COL23A1: variants seen among roughly 807,000 people sequenced by gnomAD.
The protein encoded by COL23A1 is collagen alpha-1(XXIII) chain.
Under a neutral mutation model 99.3 loss-of-function variants are expected in COL23A1, and 97 were observed. That is an observed-to-expected ratio of 0.98 (90% CI 0.83 to 1.16). The LOEUF (loss-of-function observed/expected upper bound fraction) is 1.16, where lower values mean the gene tolerates loss of function less well. Among genes scored for constraint, COL23A1 ranks in the 50% most tolerant of loss-of-function variants. The probability of loss-of-function intolerance (pLI) is 0.00; values close to 1 mark genes in which losing one functional copy is unlikely to be tolerated. For missense variants in COL23A1, 762 were observed against 757.4 expected, an observed-to-expected ratio of 1.01 and a Z score of -0.07; for synonymous variants, 320 against 308.2, an observed-to-expected ratio of 1.04 and a Z score of -0.40.
chr5:178,298,518 C>T (rs1339971046), intron 3 of COL23A1, among the ~76,000 whole-genome samples: 2 of 152,188 alleles, frequency 1.3e-5, no homozygotes, highest in East Asian at 3.9e-4. Flanking sequence ...GCTTCAGTGG[C>T]CTGAGGCTGC....
At chr5:178,257,058 T>C (rs1180680968) in intron 13 of COL23A1, 130 bp from the exon 14 acceptor site, 1 of 768,832 alleles carries the variant, frequency 1.3e-6, no homozygotes. Context: ...ACTGAGTCCA[T>C]GGGGGGTGTG....
intron 2 of COL23A1, among the ~76,000 whole-genome samples, chr5:178,421,294 G>C (rs1765622655): frequency 6.6e-6 from 1 of 152,138 alleles, no homozygotes; most frequent in African/African-American, 2.4e-5. Context: ...CACTGGACTT[G>C]GATCTGGAAG....
chr5:178,339,729 G>A (rs1453516466), intron 2 of COL23A1, among the ~76,000 whole-genome samples: 1 of 152,234 alleles, frequency 6.6e-6, no homozygotes, highest in Non-Finnish European at 1.5e-5. Flanking sequence ...CCTTGTATGG[G>A]GTGGGAGCCT....
rs1033815373 is a variant in COL23A1, at chr5:178,384,530, C to T, written c.362-77611G>A. Among the ~76,000 whole-genome samples the T allele has an allele frequency of 4.6e-5, 7 of 152,158 alleles. No homozygotes were observed. The highest frequency in any genetic ancestry group is 8.8e-5 in the Non-Finnish European group (6 of 68,038). On this transcript the variant is annotated intron_variant, in intron 2 of 28. Transcript: ENST00000390654. This position sits in a 1 kb window ranked among gnomAD's most constrained non-coding sequence, Gnocchi z 5.5. ...AGTGCATCCCTCTCCAGCGGCCCAC[C>T]GGGCACTGTGCAGGGGCCGGCGTGC...
chr5:178,251,092 G>A (rs865828872), intron 17 of COL23A1, among the ~76,000 whole-genome samples: 6 of 144,104 alleles, frequency 4.2e-5, no homozygotes, highest in Admixed American at 1.4e-4. Flanking sequence ...GCACAACCTC[G>A]ACTCACTACA....
At chr5:178,516,308 C>T (rs746687456) in intron 2 of COL23A1, among the ~76,000 whole-genome samples, 4 of 152,354 alleles carry the variant, frequency 2.6e-5, no homozygotes, top group East Asian at 3.9e-4. Flanking sequence ...GGCTGGCCCT[C>T]GCCCACAGCC....
At chr5:178,548,862 T>G (rs1483229519) in intron 2 of COL23A1, among the ~76,000 whole-genome samples, 1 of 152,170 alleles carries the variant, frequency 6.6e-6, no homozygotes, top group Non-Finnish European at 1.5e-5. Flanking sequence ...AACAAAAACT[T>G]AAATAAAAAT....
intron 2 of COL23A1, chr5:178,344,914 A>T: frequency 1.4e-6 from 1 of 715,090 alleles, no homozygotes. Flanking sequence ...CAACACGTAG[A>T]GAATTTGGGT....
chr5:178,357,711 T>A lies in COL23A1; in HGVS notation c.362-50792A>T, dbSNP rs1018861355. On this transcript the variant is annotated intron_variant, in intron 2 of 28. Transcript: ENST00000390654. ...GCTTAATGTCAGGTCAGATTTAAAA[T>A]GTGTGTATGTGTGTGTGTGTGTGTG... Among the ~76,000 whole-genome samples the A allele has an allele frequency of 1.7e-4, 17 of 101,628 alleles. 1 individual carries two copies. The highest frequency in any genetic ancestry group is 5.6e-4 in the African/African-American group (17 of 30,240). 66.7% of individuals were successfully genotyped at this position (101,628 alleles called of 152,430 possible). A position where few individuals can be genotyped will look rare whatever the true frequency, so the allele number is the denominator to read the frequency against.
intron 2 of COL23A1, among the ~76,000 whole-genome samples, chr5:178,472,298 G>A (rs561073197): frequency 6.6e-6 from 1 of 152,272 alleles, no homozygotes; most frequent in East Asian, 1.9e-4. Flanking sequence ...ACCCAATGGG[G>A]AGCCACAGTC....
At position 178,590,207 on chromosome 5, in the gene COL23A1, G is replaced by T. The variant is rs1581696523; in HGVS notation, c.-10C>A. On this transcript the variant is annotated 5_prime_UTR_variant, in exon 1 of 29. Coordinates refer to ENST00000390654, the MANE Select transcript of COL23A1 (RefSeq NM_173465.4). The surrounding 1 kb of genome is among the most constrained non-coding windows in gnomAD (Gnocchi z 5.7). ...GCTCGCCTGGGCCCATGGCGCGTTC[G>T]TCGCGCGTGGACTCTCCGAGGGGGC... 2 of 1,213,026 alleles carry T rather than the reference G, an allele frequency of 1.6e-6. No homozygotes were observed. The highest frequency in any genetic ancestry group is 2.0e-6 in the Non-Finnish European group (2 of 977,546). 75.1% of individuals were successfully genotyped at this position (1,213,026 alleles called of 1,614,324 possible). A position where few individuals can be genotyped will look rare whatever the true frequency, so the allele number is the denominator to read the frequency against.
intron 2 of COL23A1, among the ~76,000 whole-genome samples, chr5:178,475,266 A>G (rs1756968284): frequency 6.6e-6 from 1 of 152,230 alleles, no homozygotes; most frequent in Non-Finnish European, 1.5e-5. Flanking sequence ...AATTTAACAC[A>G]TAACATGTGT....
At chr5:178,294,816 C>G (rs1296296960) in intron 3 of COL23A1, among the ~76,000 whole-genome samples, 1 of 152,168 alleles carries the variant, frequency 6.6e-6, no homozygotes, top group Non-Finnish European at 1.5e-5. Flanking sequence ...CAAAAAATGT[C>G]TGCAAGGCAA....
intron 14 of COL23A1, 56 bp from the exon 15 acceptor site, chr5:178,256,453 C>T: frequency 6.6e-7 from 1 of 1,526,162 alleles, no homozygotes. Context: ...AAACACACCT[C>T]CCACGACCCT....
chr5:178,567,859 A>T (rs1041535250), intron 1 of COL23A1, among the ~76,000 whole-genome samples: 2 of 152,264 alleles, frequency 1.3e-5, no homozygotes, highest in Non-Finnish European at 2.9e-5. Flanking sequence ...TGGAGAGAAG[A>T]GATAAAACTT....
At chr5:178,548,183 A>T (rs2113439722) in intron 2 of COL23A1, among the ~76,000 whole-genome samples, 1 of 151,030 alleles carries the variant, frequency 6.6e-6, no homozygotes, top group South Asian at 2.1e-4. Flanking sequence ...GCATAGCAGC[A>T]TCACTCCCGG....
chr5:178,268,346 C>T (rs1166645239), intron 7 of COL23A1, among the ~76,000 whole-genome samples: 2 of 152,154 alleles, frequency 1.3e-5, no homozygotes, highest in African/African-American at 4.8e-5. Flanking sequence ...TAGCTGTCCG[C>T]CTTGTCTTCC....
In COL23A1 at chr5:178,535,860, T is replaced by C. The variant is rs542674; in HGVS notation, c.361+24822A>G. ...CATGTGGCCCTGAGGTCAGGCCCTATCTGCGGGGCAAGGGAGGTGCCTGGC... is the reference window on the plus strand; with the variant it reads ...CATGTGGCCCTGAGGTCAGGCCCTACCTGCGGGGCAAGGGAGGTGCCTGGC... On this transcript the variant is annotated intron_variant, in intron 2 of 28. Coordinates refer to ENST00000390654, the MANE Select transcript of COL23A1 (RefSeq NM_173465.4). Among the ~76,000 whole-genome samples, 499 of 152,372 alleles carry C rather than the reference T, an allele frequency of 3.3e-3. 2 individuals carry two copies. The highest frequency in any genetic ancestry group is 0.011 in the African/African-American group (469 of 41,594).
chr5:178,503,664 G>GGA (rs1192941207), intron 2 of COL23A1, among the ~76,000 whole-genome samples: 1 of 151,998 alleles, frequency 6.6e-6, no homozygotes, highest in African/African-American at 2.4e-5. Context: ...AGGGAGGGAG[G>GGA]GAGAGAGAGA....
Sources: gnomAD v4.1 joint callset for allele counts (sites outside exome capture counted in the v4.1 genomes callset) on GRCh38, gnomAD v4.1.1 for gene constraint, Gnocchi (gnomAD v3.1) non-coding constraint, MANE v1.5 for transcripts, NCBI Gene and HGNC (gene_info 2026-07-23, HGNC 2026-07-21) for gene names.